Variants in ARHGAP10 observed in about 807,000 individuals in gnomAD.
ARHGAP10 encodes Rho GTPase activating protein 10, also known as rho GTPase-activating protein 10.
Under a neutral mutation model 108.6 loss-of-function variants are expected in ARHGAP10, and 87 were observed. The observed-to-expected ratio is 0.80, with a 90% CI of 0.67 to 0.96. The LOEUF is 0.96. Ranked by LOEUF, ARHGAP10 falls within the 40% of genes least tolerant of loss-of-function variation. The probability of loss-of-function intolerance (pLI) is 0.00; values close to 1 mark genes in which losing one functional copy is unlikely to be tolerated. For synonymous variants in ARHGAP10, 347 were observed against 341.1 expected (o/e 1.02, Z -0.19); for missense variants, 939 against 954.5 (o/e 0.98, Z 0.21).
chr4:147,822,004 T>C (rs1732517652), intron 1 of ARHGAP10, among the ~76,000 whole-genome samples: 1 of 152,238 alleles, frequency 6.6e-6, no homozygotes, highest in Non-Finnish European at 1.5e-5. Context: ...TCTTTATATA[T>C]CTCTTGAGAA....
chr4:148,058,197 T>C (rs1729446669), intron 20 of ARHGAP10, among the ~76,000 whole-genome samples: 1 of 152,236 alleles, frequency 6.6e-6, no homozygotes, highest in Admixed American at 6.5e-5. Context: ...AGACTTATGC[T>C]GTATGTTTCC....
intron 1 of ARHGAP10, among the ~76,000 whole-genome samples, chr4:147,749,933 T>C (rs1196927542): frequency 6.6e-6 from 1 of 152,258 alleles, no homozygotes; most frequent in East Asian, 1.9e-4. Flanking sequence ...AAACAGAATG[T>C]ATCACTTAAC....
chr4:148,060,430 C>T (rs1186936828), intron 20 of ARHGAP10, among the ~76,000 whole-genome samples: 2 of 148,362 alleles, frequency 1.3e-5, no homozygotes, highest in Non-Finnish European at 3.0e-5. Context: ...CATCATCTGA[C>T]GTGTACTGGC....
At chr4:147,952,893 C>A (rs1738658973) in intron 15 of ARHGAP10, among the ~76,000 whole-genome samples, 1 of 151,912 alleles carries the variant, frequency 6.6e-6, no homozygotes, top group African/African-American at 2.4e-5. Flanking sequence ...TTAGGTTTTA[C>A]ACTTAGTTCT....
rs551663719 is a variant in ARHGAP10 at position 147,993,099 on chromosome 4, T to G, written c.1716+26260T>G. ...ATGATTTGGGAGCAGGGTTTGGCTT[T>G]TGCTTTTGTTTATATCTTGTTCTTT... On this transcript the variant is annotated intron_variant, in intron 18 of 22. Transcript: ENST00000336498. Among the ~76,000 whole-genome samples, 12 of 152,380 alleles carry G rather than the reference T, an allele frequency of 7.9e-5. No individual in the cohort carries two copies. In the East Asian group the frequency reaches 2.1e-3, roughly 27 times the overall value.
intron 7 of ARHGAP10, among the ~76,000 whole-genome samples, chr4:147,871,843 A>C (rs938002905): frequency 5.3e-5 from 8 of 152,134 alleles, no homozygotes; most frequent in African/African-American, 1.9e-4. Flanking sequence ...GCTCACGCCT[A>C]TAATCCCAGC....
chr4:147,883,278 C>T (rs1452334446), intron 10 of ARHGAP10, among the ~76,000 whole-genome samples: 1 of 152,172 alleles, frequency 6.6e-6, no homozygotes. Context: ...CCAAGCTGGT[C>T]TCAAAACTCC....
chr4:147,790,063 C>G (rs1185084863), intron 1 of ARHGAP10, among the ~76,000 whole-genome samples: 1 of 145,534 alleles, frequency 6.9e-6, no homozygotes, highest in East Asian at 2.1e-4. Flanking sequence ...ATACCACAGA[C>G]TGGGTGGCTC....
At chr4:147,857,053 A>G (rs1394985076) in intron 4 of ARHGAP10, among the ~76,000 whole-genome samples, 1 of 152,106 alleles carries the variant, frequency 6.6e-6, no homozygotes, top group African/African-American at 2.4e-5. Context: ...GGATTTCACC[A>G]CGATAGCTGG....
intron 19 of ARHGAP10, among the ~76,000 whole-genome samples, chr4:148,025,931 G>A (rs1741748676): frequency 6.6e-6 from 1 of 152,076 alleles, no homozygotes; most frequent in African/African-American, 2.4e-5. Flanking sequence ...GTTTATATGG[G>A]ACAGATAGAA....
Position 147,869,631 on chromosome 4 carries a change from A to G in ARHGAP10, c.702+2815A>G, listed in dbSNP as rs368893256. ...TTCTCTGTCACTTAAGGATGTGGTC[A>G]TCAGTAAATCTCCCTACATTCTCAA... On this transcript the variant is annotated intron_variant, in intron 7 of 22. Coordinates refer to ENST00000336498, the MANE Select transcript of ARHGAP10 (RefSeq NM_024605.4). Among the ~76,000 whole-genome samples the G allele has an allele frequency of 2.8e-4, 43 of 151,832 alleles. No homozygotes were observed. The South Asian group carries it at 8.1e-3, about 29-fold the overall frequency.
Position 148,047,033 on chromosome 4 carries a change from G to A in ARHGAP10, c.2009G>A (p.Gly670Glu), listed in dbSNP as rs1351582537. The A allele has an allele frequency of 6.2e-7, 1 of 1,614,056 alleles. No homozygotes were observed. Among genetic ancestry groups the A allele is most frequent in the African/African-American group, 1.3e-5 (1 of 74,930 alleles). The part of the protein sequence containing the change: ...NHLLADGGSF[G>E]DWASTIPGQT... ...CTTCTGGCAGATGGAGGGAGCTTTG[G>A]AGACTGGGCATCCACTATGTAAGTA... Residue 670 changes from glycine to glutamate, a missense_variant, in exon 20 of 23, where the codon GGA becomes GAA. Transcript: ENST00000336498.
chr4:148,036,275 T>C (rs1728374656), intron 19 of ARHGAP10, among the ~76,000 whole-genome samples: 1 of 152,204 alleles, frequency 6.6e-6, no homozygotes, highest in African/African-American at 2.4e-5. Flanking sequence ...TTGGTGCCTC[T>C]GTTGATAGTG....
chr4:147,803,676 A>G (rs1178357483), intron 1 of ARHGAP10, among the ~76,000 whole-genome samples: 1 of 152,186 alleles, frequency 6.6e-6, no homozygotes, highest in East Asian at 1.9e-4. Context: ...GAGTGAGAAC[A>G]TGTGATACTT....
At chr4:147,852,849 G>C (rs1733929085) in intron 4 of ARHGAP10, among the ~76,000 whole-genome samples, 1 of 151,512 alleles carries the variant, frequency 6.6e-6, no homozygotes, top group Admixed American at 6.6e-5. Context: ...CTCCCAAGTA[G>C]CTGGGATTAC....
In ARHGAP10 at chr4:147,732,305, G is replaced by C; in HGVS notation, c.4G>C (p.Gly2Arg). 6.2e-7 allele frequency: 1 copy of C among 1,610,216 alleles called. No individual in the cohort carries two copies. The highest frequency in any genetic ancestry group is 8.5e-7 in the Non-Finnish European group (1 of 1,178,508). The change falls in exon 1 of 23, where the codon GGG becomes CGG. Residue 2 changes from glycine (G) to arginine (R), a missense_variant. Transcript: ENST00000336498. ...CCGCGCAGCGACCGCTGCCGTCATGGGGCTGCAGCCCCTGGAGTTCAGCGA... is the reference window on the plus strand; with the variant it reads ...CCGCGCAGCGACCGCTGCCGTCATGCGGCTGCAGCCCCTGGAGTTCAGCGA... M[G>R]LQPLEFSDCY...
chr4:147,958,694 A>G (rs1021748504), intron 16 of ARHGAP10, among the ~76,000 whole-genome samples: 5 of 152,214 alleles, frequency 3.3e-5, no homozygotes, highest in Non-Finnish European at 5.9e-5. Context: ...CTGTTGACTG[A>G]AGCCCTTTAT....
intron 13 of ARHGAP10, among the ~76,000 whole-genome samples, chr4:147,936,383 C>T (rs536336498): frequency 2.1e-3 from 261 of 127,282 alleles, no homozygotes; most frequent in African/African-American, 5.7e-3. Flanking sequence ...CTGCGGACTG[C>T]AGTGGCGCAA....
intron 20 of ARHGAP10, among the ~76,000 whole-genome samples, chr4:148,055,369 C>G (rs900183388): frequency 1.3e-5 from 2 of 152,162 alleles, no homozygotes; most frequent in Non-Finnish European, 2.9e-5. Flanking sequence ...TTCCTCCTCT[C>G]CCTGACCGCC....
Sources: allele counts gnomAD v4.1 joint callset (sites outside exome capture counted in the v4.1 genomes callset), GRCh38; gene constraint gnomAD v4.1.1; transcripts MANE v1.5; gene names NCBI Gene and HGNC (gene_info 2026-07-23, HGNC 2026-07-21).